FBN1: variants seen among roughly 807,000 people sequenced by gnomAD.
FBN1 encodes fibrillin-1.
In FBN1, 29 loss-of-function variants were observed where a neutral mutation model predicts 365.1. That is an observed-to-expected ratio of 0.08 (90% CI 0.06 to 0.11). The LOEUF is 0.11. Ranked by LOEUF, FBN1 falls within the 10% of genes least tolerant of loss-of-function variation. The pLI, the probability that FBN1 is intolerant of heterozygous loss-of-function variation, is 1.00. For synonymous variants in FBN1, 1,210 were observed against 1,270.5 expected (o/e 0.95, Z 1.01); for missense variants, 2,476 against 3,703.2 (o/e 0.67, Z 8.60).
intron 15 of FBN1, among the ~76,000 whole-genome samples, chr15:48,507,312 G>T (rs2043718137): frequency 6.6e-6 from 1 of 151,646 alleles, no homozygotes; most frequent in Admixed American, 6.6e-5. Flanking sequence ...TTTTTTACTT[G>T]TACAGTGCTA....
chr15:48,545,739 C>T (rs2044088919), intron 6 of FBN1, among the ~76,000 whole-genome samples: 1 of 152,112 alleles, frequency 6.6e-6, no homozygotes, highest in South Asian at 2.1e-4. Flanking sequence ...AAAGAAAATT[C>T]TAGCTGGCAC....
At position 48,415,829 on chromosome 15, in the gene FBN1, G is replaced by A. The variant is rs189041215; in HGVS notation, c.7820-62C>T. 271 of 1,405,892 alleles carry A rather than the reference G, an allele frequency of 1.9e-4. No individual in the cohort carries two copies. The African/African-American group carries it at 3.4e-3, about 17-fold the overall frequency. The allele number at this position is 1,405,892 out of a possible 1,614,324, so 87.1% of individuals were successfully genotyped here. ...GCCAGAGATTTCTATTGAGGACATT[G>A]GATCTGGCCACTTGCTGCCGGCCAG... On this transcript the variant is annotated intron_variant, in intron 63 of 65. Coordinates refer to ENST00000316623, the MANE Select transcript of FBN1 (RefSeq NM_000138.5).
At chr15:48,447,260 T>G (rs1273322457) in intron 46 of FBN1, among the ~76,000 whole-genome samples, 2 of 152,092 alleles carry the variant, frequency 1.3e-5, no homozygotes, top group Non-Finnish European at 2.9e-5. Flanking sequence ...TCACCTGGCA[T>G]TACCCCACAA....
At chr15:48,438,019 C>T in intron 50 of FBN1, 102 bp from the exon 51 acceptor site, 1 of 1,187,590 alleles carries the variant, frequency 8.4e-7, no homozygotes, top group Non-Finnish European at 1.3e-6. Flanking sequence ...ATGTTCTCCT[C>T]TCAGGACCAC....
intron 60 of FBN1, among the ~76,000 whole-genome samples, chr15:48,423,138 T>C (rs1262821802): frequency 1.3e-5 from 2 of 152,216 alleles, no homozygotes; most frequent in African/African-American, 4.8e-5. Flanking sequence ...AAATGTTGTG[T>C]TCTAGCTTCT....
Position 48,441,853 on chromosome 15 carries a change from G to C in FBN1, c.6038-7C>G, listed in dbSNP as rs748041949. 1.2e-6 allele frequency: 2 copies of C among 1,612,706 alleles called. No homozygotes were observed. Among genetic ancestry groups the C allele is most frequent in the Middle Eastern group, 1.7e-4 (1 of 6,048 alleles). On this transcript the variant is annotated splice_polypyrimidine_tract_variant and splice_region_variant and intron_variant, in intron 49 of 65. Coordinates refer to ENST00000316623, the MANE Select transcript of FBN1 (RefSeq NM_000138.5). ...TCGACACACTCATCAATATCTAAAA[G>C]AATCACATGAGTCAAACAAAGTCAA...
intron 6 of FBN1, among the ~76,000 whole-genome samples, chr15:48,583,374 T>C (rs2044410816): frequency 6.6e-6 from 1 of 152,222 alleles, no homozygotes; most frequent in African/African-American, 2.4e-5. Context: ...CCTCTGGGAC[T>C]AACACTTTTA....
In FBN1 at chr15:48,415,649, G is replaced by A. The variant is rs2042897617; in HGVS notation, c.7938C>T (p.Cys2646=). The change falls in exon 64 of 66, where the codon TGC becomes TGT. Residue 2646 remains cysteine (C), a synonymous_variant. Coordinates refer to ENST00000316623, the MANE Select transcript of FBN1 (RefSeq NM_000138.5). ...GFQYEQFSGG[C]QDINECGSAQ... is the part of the protein sequence containing the mutation. ...CAGAGCCACATTCATTGATGTCTTG[G>A]CATCCTCCACTGAACTGTTCATACT... 3 of 1,614,186 alleles carry A rather than the reference G, an allele frequency of 1.9e-6. No homozygotes were observed. The highest frequency in any genetic ancestry group is 2.5e-6 in the Non-Finnish European group (3 of 1,180,012).
chr15:48,432,266 GGTGTCT>G (rs984368683), intron 55 of FBN1, among the ~76,000 whole-genome samples: 21 of 152,146 alleles, frequency 1.4e-4, no homozygotes, highest in Non-Finnish European at 2.1e-4. Flanking sequence ...TGAGAGAACA[GGTGTCT>G]GTTCATTTAA....
intron 5 of FBN1, 24 bp downstream of exon 5, chr15:48,600,115 T>C: frequency 2.0e-6 from 3 of 1,514,870 alleles, no homozygotes; most frequent in Non-Finnish European, 2.8e-6. Context: ...ACATCTAGAA[T>C]ACTTATAACT....
At position 48,613,074 on chromosome 15, in the gene FBN1, T is replaced by G. The variant is rs1201455184; in HGVS notation, c.183A>C (p.Ser61=). ...CAGGGCAACAGTAAGCATTATAACGTGATCCACAGACATTGGGTCTAAAAC... is the reference window on the plus strand; with the variant it reads ...CAGGGCAACAGTAAGCATTATAACGGGATCCACAGACATTGGGTCTAAAAC... The part of the protein sequence containing the change: ...DALKGPNVCG[S]RYNAYCCPGW... Residue 61 remains serine, a synonymous_variant, in exon 3 of 66, where the codon TCA becomes TCC. Coordinates refer to ENST00000316623, the MANE Select transcript of FBN1 (RefSeq NM_000138.5). The G allele has an allele frequency of 1.9e-6, 3 of 1,613,136 alleles. No individual in the cohort carries two copies. Among genetic ancestry groups the G allele is most frequent in the Non-Finnish European group, 2.5e-6 (3 of 1,179,650 alleles).
In FBN1 at chr15:48,492,507, C is replaced by T. The variant is rs1423753530; in HGVS notation, c.2808G>A (p.Gln936=). The stretch of plus-strand genomic sequence containing the variant: ...CATCCAAAGTCATTCCACTGGGACA[C>T]TGACACTTGAATGACCCCCTAGTGT... The part of the protein sequence containing the change: ...CVNTRGSFKC[Q]CPSGMTLDAT... The change falls in exon 24 of 66, where the codon CAG becomes CAA. Residue 936 remains glutamine (Q), a synonymous_variant. Transcript: ENST00000316623. 10 of 1,613,210 alleles carry T rather than the reference C, an allele frequency of 6.2e-6. No homozygotes were observed. The highest frequency in any genetic ancestry group is 8.5e-6 in the Non-Finnish European group (10 of 1,179,378).
At chr15:48,516,492 T>C (rs1388549041) in intron 10 of FBN1, 130 bp from the exon 11 acceptor site, 1 of 954,912 alleles carries the variant, frequency 1.0e-6, no homozygotes, top group African/African-American at 1.6e-5. Context: ...ACAGGTCAAC[T>C]GGAGAAAAGA....
intron 3 of FBN1, among the ~76,000 whole-genome samples, chr15:48,611,953 G>A (rs781501946): frequency 5.8e-4 from 89 of 152,168 alleles, no homozygotes; most frequent in Admixed American, 6.5e-4. Flanking sequence ...ATGGAAACTG[G>A]AAACGACTAA....
At chr15:48,450,275 C>A (rs1173018506) in intron 45 of FBN1, among the ~76,000 whole-genome samples, 1 of 152,102 alleles carries the variant, frequency 6.6e-6, no homozygotes, top group East Asian at 1.9e-4. Context: ...CGAGGTCTGT[C>A]TCATATCTGA....
chr15:48,447,905 G>T (rs2043171714), intron 46 of FBN1, among the ~76,000 whole-genome samples: 1 of 152,118 alleles, frequency 6.6e-6, no homozygotes, highest in African/African-American at 2.4e-5. Flanking sequence ...CCAAACTGGT[G>T]AAGTTCTTTG....
At chr15:48,618,058 T>C (rs529048971) in intron 2 of FBN1, among the ~76,000 whole-genome samples, 4 of 152,140 alleles carry the variant, frequency 2.6e-5, no homozygotes, top group Non-Finnish European at 5.9e-5. Context: ...CCCTGCTCCA[T>C]TAACTGCTTT....
intron 48 of FBN1, among the ~76,000 whole-genome samples, 166 bp downstream of exon 48, chr15:48,445,188 ATATATATACATATATATATGTG>A (rs1224889530): frequency 1.4e-5 from 2 of 140,528 alleles, no homozygotes; most frequent in Non-Finnish European, 3.1e-5. Flanking sequence ...ATATATGTAT[ATATATATACATATATATATGTG>A]TATATATACT....
At chr15:48,575,067 G>A (rs1288033979) in intron 6 of FBN1, among the ~76,000 whole-genome samples, 7 of 152,206 alleles carry the variant, frequency 4.6e-5, no homozygotes, top group Admixed American at 1.3e-4. Flanking sequence ...GATTAGAGAC[G>A]GGAAATAGTT....
Sources: gnomAD v4.1 joint callset for allele counts (sites outside exome capture counted in the v4.1 genomes callset) on GRCh38, gnomAD v4.1.1 for gene constraint, MANE v1.5 for transcripts, NCBI Gene and HGNC (gene_info 2026-07-23, HGNC 2026-07-21) for gene names.